STK33: variants seen among roughly 807,000 people sequenced by gnomAD.
The protein encoded by STK33 is serine/threonine kinase 33.
Under a neutral mutation model 58.0 loss-of-function variants are expected in STK33, and 52 were observed. That is an observed-to-expected ratio of 0.90 (90% confidence interval 0.72 to 1.13). The LOEUF is 1.13. Among genes scored for constraint, STK33 ranks in the 50% most tolerant of loss-of-function variants. The pLI, the probability that STK33 is intolerant of heterozygous loss-of-function variation, is 0.00. For synonymous variants in STK33, 215 were observed against 200.1 expected (o/e 1.07, Z -0.63); for missense variants, 630 against 604.2 (o/e 1.04, Z -0.45).
chr11:8,464,605 C>A, intron 7 of STK33, 104 bp downstream of exon 7: 1 of 727,152 alleles, frequency 1.4e-6, no homozygotes, highest in Non-Finnish European at 2.3e-6. Context: ...AGGCCTGGGA[C>A]CTCAGGGTGA....
chr11:8,506,360 T>C (rs879206435), intron 1 of STK33, among the ~76,000 whole-genome samples: 1 of 152,200 alleles, frequency 6.6e-6, no homozygotes, highest in African/African-American at 2.4e-5. Context: ...GAGCCCTATA[T>C]TCATTTTCTA....
intron 1 of STK33, among the ~76,000 whole-genome samples, chr11:8,590,872 T>C (rs1271505758): frequency 1.3e-5 from 2 of 152,200 alleles, no homozygotes; most frequent in Non-Finnish European, 2.9e-5. Context: ...GCATACCAAT[T>C]TAACAATGCC....
chr11:8,587,967 G>C (rs1205812255), intron 1 of STK33, among the ~76,000 whole-genome samples: 5 of 152,164 alleles, frequency 3.3e-5, no homozygotes, highest in Non-Finnish European at 5.9e-5. Context: ...ATTTCTCACA[G>C]TTCTGGAGGC....
intron 13 of STK33, 140 bp downstream of exon 13, chr11:8,435,887 G>A (rs1393068290): frequency 6.2e-6 from 3 of 486,346 alleles, no homozygotes; most frequent in East Asian, 3.3e-5. Flanking sequence ...TGAAGATATC[G>A]CTATTTCCAC....
chr11:8,397,112 T>C (rs192132931), intron 15 of STK33, among the ~76,000 whole-genome samples: 3 of 151,918 alleles, frequency 2.0e-5, no homozygotes, highest in African/African-American at 4.8e-5. Flanking sequence ...TTGAAAAGAG[T>C]AGTAGTTCTC....
Position 8,499,734 on chromosome 11 carries a change from G to T in STK33, c.-465-19120C>A, listed in dbSNP as rs1297684687. Among the ~76,000 whole-genome samples the T allele has an allele frequency of 2.6e-5, 4 of 152,294 alleles. 1 individual carries two copies. Among genetic ancestry groups the T allele is most frequent in the Middle Eastern group, 6.8e-3 (2 of 294 alleles). On this transcript the variant is annotated intron_variant, in intron 1 of 15. Transcript: ENST00000687296. ...GCACATATACACCATGGAATACTAT[G>T]CAGCCATAAAAAAGGATGAGTTCAT...
chr11:8,436,181 TA>T, intron 12 of STK33, 42 bp from the exon 13 acceptor site: 1 of 1,199,216 alleles, frequency 8.3e-7, no homozygotes, highest in East Asian at 2.6e-5. Context: ...TTTTAAATAA[TA>T]AAAATAAGCC....
At chr11:8,406,092 G>A (rs947699196) in intron 15 of STK33, among the ~76,000 whole-genome samples, 6 of 142,384 alleles carry the variant, frequency 4.2e-5, no homozygotes, top group Admixed American at 2.3e-4. Flanking sequence ...GCAGTGAGCC[G>A]AGATCGCGCC....
intron 1 of STK33, among the ~76,000 whole-genome samples, chr11:8,534,562 C>CTGTGTGTGTG (rs1385373380): frequency 4.0e-4 from 52 of 129,058 alleles, no homozygotes; most frequent in African/African-American, 1.4e-3. Context: ...CTCTCTCTCT[C>CTGTGTGTGTG]TCTCTCTGTG....
At chr11:8,352,938 C>T in the STK33 span, among the ~76,000 whole-genome samples, 8,116 of 152,286 alleles carry the variant, frequency 0.053, 285 homozygotes, top group Non-Finnish European at 0.076. Context: ...GGCAGCAGAA[C>T]AGAAATCAGA....
At chr11:8,576,670 A>G (rs567942591) in intron 1 of STK33, among the ~76,000 whole-genome samples, 165 of 152,306 alleles carry the variant, frequency 1.1e-3, no homozygotes, top group Middle Eastern at 6.8e-3. Flanking sequence ...AATTCTTGTA[A>G]CAACTCCATA....
At chr11:8,385,857 C>T in the STK33 span, among the ~76,000 whole-genome samples, 3 of 152,156 alleles carry the variant, frequency 2.0e-5, no homozygotes, top group African/African-American at 7.2e-5. Flanking sequence ...TCACTGCAAG[C>T]TCCGCCTCCC....
At chr11:8,449,190 G>T (rs995194800) in intron 11 of STK33, among the ~76,000 whole-genome samples, 1 of 151,644 alleles carries the variant, frequency 6.6e-6, no homozygotes, top group Non-Finnish European at 1.5e-5. Flanking sequence ...TGGTGGGACT[G>T]TAAACTAGTT....
rs947219197 is a variant in STK33, at chr11:8,515,430, C to A, written c.-465-34816G>T. Among the ~76,000 whole-genome samples, 6 of 152,266 alleles carry A rather than the reference C, an allele frequency of 3.9e-5. No individual in the cohort carries two copies. The East Asian group carries it at 9.7e-4, about 24-fold the overall frequency. On this transcript the variant is annotated intron_variant, in intron 1 of 15. Coordinates refer to ENST00000687296, the MANE Select transcript of STK33 (RefSeq NM_001352389.2). ...GAATCATTAATCAAAAACCTCCCAACAATGAAAAGCCCAGGATTATAGACT... is the reference window on the plus strand; with the variant it reads ...GAATCATTAATCAAAAACCTCCCAAAAATGAAAAGCCCAGGATTATAGACT...
chr11:8,480,575 G>A lies in STK33; in HGVS notation c.-426C>T, dbSNP rs1366693541. On this transcript the variant is annotated 5_prime_UTR_variant, in exon 2 of 16. Coordinates refer to ENST00000687296, the MANE Select transcript of STK33 (RefSeq NM_001352389.2). ...GCGTAGTGAGATGCAGGGAGGAGAT[G>A]AGCCAGAAGGCCGGATGTGCTGAGA... is the stretch of plus-strand genomic sequence containing the variant. The A allele has an allele frequency of 2.0e-5, 3 of 152,276 alleles. No individual in the cohort carries two copies. The highest frequency in any genetic ancestry group is 4.4e-5 in the Non-Finnish European group (3 of 68,100). 9.4% of individuals were successfully genotyped at this position (152,276 alleles called of 1,614,324 possible). A position where few individuals can be genotyped will look rare whatever the true frequency, so the allele number is the denominator to read the frequency against.
chr11:8,445,258 T>A (rs4627069), intron 11 of STK33, among the ~76,000 whole-genome samples: 14,300 of 152,110 alleles, frequency 0.094, 1,581 homozygotes, highest in African/African-American at 0.27. Flanking sequence ...GAAGTTGTTT[T>A]TCAGCTTAAG....
At chr11:8,491,432 T>G (rs1950600892) in intron 1 of STK33, among the ~76,000 whole-genome samples, 1 of 151,908 alleles carries the variant, frequency 6.6e-6, no homozygotes, top group Non-Finnish European at 1.5e-5. Flanking sequence ...CTCCAAGAAA[T>G]ATGGGACTAG....
intron 15 of STK33, among the ~76,000 whole-genome samples, chr11:8,394,633 C>CAGTCTCTGTGAACAGAATT (rs1368138033): frequency 5.3e-5 from 8 of 152,144 alleles, no homozygotes; most frequent in Non-Finnish European, 1.5e-5. Flanking sequence ...TACTCAGAAA[C>CAGTCTCTGTGAACAGAATT]AGTCTCTGTG....
intron 1 of STK33, among the ~76,000 whole-genome samples, chr11:8,567,788 C>T (rs1386555865): frequency 6.6e-6 from 1 of 152,196 alleles, no homozygotes; most frequent in African/African-American, 2.4e-5. Flanking sequence ...ACTCCTTTTA[C>T]ATTTAGCACC....
Sources: gnomAD v4.1 joint callset for allele counts (sites outside exome capture counted in the v4.1 genomes callset) on GRCh38, gnomAD v4.1.1 for gene constraint, MANE v1.5 for transcripts, NCBI Gene and HGNC (gene_info 2026-07-23, HGNC 2026-07-21) for gene names.